Variants in KAT6A observed in about 807,000 individuals in gnomAD.
KAT6A encodes lysine acetyltransferase 6A.
In KAT6A, 9 loss-of-function variants were observed where a neutral mutation model predicts 198.4. The observed-to-expected ratio is 0.05, with a 90% CI of 0.03 to 0.08. The LOEUF is 0.08. Ranked by LOEUF, KAT6A falls within the 10% of genes least tolerant of loss-of-function variation. The pLI, the probability that KAT6A is intolerant of heterozygous loss-of-function variation, is 1.00. For synonymous variants in KAT6A, 890 were observed against 883.0 expected (o/e 1.01, Z -0.14); for missense variants, 2,077 against 2,509.9 (o/e 0.83, Z 3.69).
intron 2 of KAT6A, among the ~76,000 whole-genome samples, chr8:42,015,067 T>C (rs542459556): frequency 1.2e-4 from 18 of 152,254 alleles, no homozygotes; most frequent in Non-Finnish European, 1.9e-4. Context: ...TGAAGGGAGA[T>C]AGTAAGGCAG....
chr8:42,013,526 C>A (rs1159861791), intron 2 of KAT6A, among the ~76,000 whole-genome samples: 3 of 152,216 alleles, frequency 2.0e-5, no homozygotes, highest in Middle Eastern at 3.2e-3. Context: ...AGCCACCACG[C>A]CCGGCCTTGG....
Position 41,962,096 on chromosome 8 carries a change from T to G in KAT6A, c.1483-6685A>C, listed in dbSNP as rs371496103. On this transcript the variant is annotated intron_variant, in intron 8 of 16. Coordinates refer to ENST00000265713, the MANE Select transcript of KAT6A (RefSeq NM_006766.5). ...GCTTCTAAGGAACTACACCTTCATGTTTTTTTTCCTACTTCACTGGCCATT... is the reference window on the plus strand; with the variant it reads ...GCTTCTAAGGAACTACACCTTCATGGTTTTTTTCCTACTTCACTGGCCATT... Among the ~76,000 whole-genome samples, 16 of 152,138 alleles carry G rather than the reference T, an allele frequency of 1.1e-4. No homozygotes were observed. The East Asian group carries it at 3.1e-3, about 29-fold the overall frequency.
intron 8 of KAT6A, among the ~76,000 whole-genome samples, chr8:41,960,159 G>A (rs904330716): frequency 1.3e-4 from 20 of 151,838 alleles, no homozygotes; most frequent in Non-Finnish European, 2.5e-4. Context: ...AGGGGTGGGG[G>A]GTTGGGAGTT....
Position 41,989,458 on chromosome 8 carries a change from G to A in KAT6A, c.601-1895C>T, listed in dbSNP as rs141877916. Among the ~76,000 whole-genome samples the A allele has an allele frequency of 8.2e-3, 1,253 of 152,100 alleles. 16 individuals are homozygous for A. Among genetic ancestry groups the A allele is most frequent in the African/African-American group, 0.029 (1,211 of 41,468 alleles). On this transcript the variant is annotated intron_variant, in intron 2 of 16. Transcript: ENST00000265713. Reference sequence around the variant, plus strand: ...CGGGAGGTAGAGGTTGTAGTGAGCCGAGATCGCACCATTGCACTCCAGCCT... The same window carrying A: ...CGGGAGGTAGAGGTTGTAGTGAGCCAAGATCGCACCATTGCACTCCAGCCT...
At chr8:41,942,525 T>C (rs942640162) in intron 14 of KAT6A, 2 of 438,412 alleles carry the variant, frequency 4.6e-6, no homozygotes, top group Non-Finnish European at 4.1e-6. Flanking sequence ...ACTGAGCTGC[T>C]TCTTGGCACC....
At chr8:42,033,157 G>A (rs1251449707) in intron 2 of KAT6A, among the ~76,000 whole-genome samples, 7 of 152,128 alleles carry the variant, frequency 4.6e-5, no homozygotes, top group Admixed American at 2.0e-4. Flanking sequence ...ACAGGCGTGA[G>A]CCACTGTGCC....
rs189194836 is a variant in KAT6A at position 42,022,416 on chromosome 8, A to T, written c.600+25962T>A. 3.9e-5 allele frequency among the ~76,000 whole-genome samples: 6 copies of T among 151,974 alleles called. No homozygotes were observed. In the East Asian group the frequency reaches 9.7e-4, roughly 24 times the overall value. On this transcript the variant is annotated intron_variant, in intron 2 of 16. Coordinates refer to ENST00000265713, the MANE Select transcript of KAT6A (RefSeq NM_006766.5). ...ATTTGATTACCTCTAAGAACTGTAC[A>T]TTTTTTTTGGAAAATCAGGGTTAAA... is the stretch of plus-strand genomic sequence containing the variant.
chr8:42,039,156 G>A (rs1206354709), intron 2 of KAT6A, among the ~76,000 whole-genome samples: 2 of 152,124 alleles, frequency 1.3e-5, no homozygotes, highest in Non-Finnish European at 2.9e-5. Context: ...CAAGCAGAAG[G>A]GTGAAGTTAC....
At chr8:41,944,597 A>G (rs921422848) in intron 12 of KAT6A, among the ~76,000 whole-genome samples, 1 of 152,218 alleles carries the variant, frequency 6.6e-6, no homozygotes, top group South Asian at 2.1e-4. Flanking sequence ...ATGGCAGAGA[A>G]AGGTATTTTT....
intron 8 of KAT6A, among the ~76,000 whole-genome samples, chr8:41,971,174 C>T (rs10111436): frequency 0.72 from 108,526 of 150,020 alleles, 40,357 homozygotes; most frequent in African/African-American, 0.92. Context: ...TATACATATA[C>T]GTAACAAACC....
At chr8:42,015,383 A>T (rs1826224180) in intron 2 of KAT6A, among the ~76,000 whole-genome samples, 2 of 152,280 alleles carry the variant, frequency 1.3e-5, no homozygotes, top group Non-Finnish European at 2.9e-5. Context: ...CCACGACAGC[A>T]CTTAAAAGCA....
rs1187767760 is a variant in KAT6A, at chr8:41,929,851, TAAA to T, written c.*2351_*2353del. ...AGTTTTTAATATTCTACAACAAAGA[TAAA>T]AAATTTTAAAGATGGAATGAAATGA... On this transcript the variant is annotated 3_prime_UTR_variant, in exon 17 of 17. Transcript: ENST00000265713. The T allele has an allele frequency of 1.3e-4, 26 of 203,352 alleles. No homozygotes were observed. In the East Asian group the frequency reaches 1.8e-3, roughly 14 times the overall value. The allele number at this position is 203,352 out of a possible 1,614,324, so 12.6% of individuals were successfully genotyped here.
Position 42,048,595 on chromosome 8 carries a change from T to A in KAT6A, c.383A>T (p.Gln128Leu), listed in dbSNP as rs780864794. The A allele has an allele frequency of 6.2e-7, 1 of 1,614,234 alleles. No homozygotes were observed. The highest frequency in any genetic ancestry group is 1.7e-5 in the Admixed American group (1 of 60,030). The change falls in exon 2 of 17, where the codon CAG becomes CTG. Residue 128 changes from glutamine to leucine, a missense_variant. Gln to Leu is a moderately radical substitution (Grantham distance 113, BLOSUM62 -2). Transcript: ENST00000265713. The stretch of plus-strand genomic sequence containing the variant: ...TCCGAATAATGCAGACACATCCTTC[T>A]GACCTTTCAAAAAACGTTCAATGCT... ...LKSIERFLKGQKDVSALFGGS... is the reference protein window; with the variant it reads ...LKSIERFLKGLKDVSALFGGS...
intron 8 of KAT6A, among the ~76,000 whole-genome samples, chr8:41,967,891 T>TA (rs992213803): frequency 6.6e-6 from 1 of 152,068 alleles, no homozygotes; most frequent in African/African-American, 2.4e-5. Context: ...CCCTATTTAA[T>TA]AAATGGTGCT....
chr8:41,985,016 G>T (rs1425790121), intron 3 of KAT6A, among the ~76,000 whole-genome samples: 1 of 151,476 alleles, frequency 6.6e-6, no homozygotes, highest in Non-Finnish European at 1.5e-5. Flanking sequence ...TACAGTAATA[G>T]TTTTCAAATT....
chr8:42,032,585 G>T (rs191354776), intron 2 of KAT6A, among the ~76,000 whole-genome samples: 28 of 152,312 alleles, frequency 1.8e-4, no homozygotes, highest in African/African-American at 6.3e-4. Context: ...AGCAAAAGGT[G>T]AGTTTTTATT....
At chr8:41,985,813 T>A (rs980265291) in intron 3 of KAT6A, among the ~76,000 whole-genome samples, 1 of 152,230 alleles carries the variant, frequency 6.6e-6, no homozygotes, top group African/African-American at 2.4e-5. Flanking sequence ...GTATGTAGTG[T>A]GGTTTCTGTT....
intron 2 of KAT6A, among the ~76,000 whole-genome samples, chr8:42,039,838 A>G (rs1015856139): frequency 6.6e-6 from 1 of 151,316 alleles, no homozygotes; most frequent in African/African-American, 2.4e-5. Context: ...GGTTCACGCC[A>G]TTCTCCTGCC....
intron 3 of KAT6A, 86 bp downstream of exon 3, chr8:41,987,369 G>A: frequency 1.3e-6 from 1 of 767,764 alleles, no homozygotes; most frequent in South Asian, 1.5e-5. Flanking sequence ...AATCTCATAA[G>A]GATCAAGGAT....
Sources: gnomAD v4.1 joint callset for allele counts (sites outside exome capture counted in the v4.1 genomes callset) on GRCh38, gnomAD v4.1.1 for gene constraint, MANE v1.5 for transcripts, NCBI Gene and HGNC (gene_info 2026-07-23, HGNC 2026-07-21) for gene names.